The following RABGAP1L variants were observed in gnomAD, a reference collection of about 807,000 sequenced individuals.
RABGAP1L encodes RAB GTPase activating protein 1 like.
Under a neutral mutation model 137.7 loss-of-function variants are expected in RABGAP1L, and 63 were observed. The observed-to-expected ratio is 0.46, with a 90% CI of 0.37 to 0.56. The LOEUF is 0.56. Among genes scored for constraint, RABGAP1L ranks in the 20% least tolerant of loss-of-function variants. The pLI is 0.00. For missense variants in RABGAP1L, 1,095 were observed against 1,244.0 expected (o/e 0.88, Z 1.80); for synonymous variants, 431 against 433.7 (o/e 0.99, Z 0.08).
Position 174,994,888 on chromosome 1 carries a change from G to A in RABGAP1L, c.*4887G>A, listed in dbSNP as rs185406110. 1 of 152,190 alleles carries A rather than the reference G, an allele frequency of 6.6e-6. No individual in the cohort carries two copies. The highest frequency in any genetic ancestry group is 6.5e-5 in the Admixed American group (1 of 15,280). 9.4% of individuals were successfully genotyped at this position (152,190 alleles called of 1,614,324 possible). A position where few individuals can be genotyped will look rare whatever the true frequency, so the allele number is the denominator to read the frequency against. On this transcript the variant is annotated 3_prime_UTR_variant, in exon 26 of 26. Transcript: ENST00000681986. Reference sequence around the variant, plus strand: ...CTATTTTTATGAATTCCATTATTTTGTCCATGGCATCTCTAATGAAAACAG... The same window carrying A: ...CTATTTTTATGAATTCCATTATTTTATCCATGGCATCTCTAATGAAAACAG...
At chr1:174,614,803 C>T (rs539212541) in intron 13 of RABGAP1L, among the ~76,000 whole-genome samples, 83 of 152,238 alleles carry the variant, frequency 5.5e-4, no homozygotes, top group African/African-American at 2.0e-3. Flanking sequence ...CTCTAAACTT[C>T]CCTTCTTGCT....
At chr1:174,447,107 T>A (rs1461136326) in intron 13 of RABGAP1L, among the ~76,000 whole-genome samples, 1 of 152,196 alleles carries the variant, frequency 6.6e-6, no homozygotes, top group Admixed American at 6.5e-5. Flanking sequence ...AAGTTATAGA[T>A]GCCAAATTAA....
intron 18 of RABGAP1L, among the ~76,000 whole-genome samples, chr1:174,768,580 A>G (rs978422991): frequency 6.6e-6 from 1 of 152,234 alleles, no homozygotes; most frequent in African/African-American, 2.4e-5. Context: ...CAGGGCTAGC[A>G]GGCCACTGTG....
At chr1:174,811,713 GAACT>G in intron 18 of RABGAP1L, 115 bp from the exon 19 acceptor site, 1 of 1,003,144 alleles carries the variant, frequency 1.0e-6, no homozygotes, top group Non-Finnish European at 1.3e-6. Context: ...AAAATGTTTG[GAACT>G]AACTTAGATC....
At chr1:174,459,676 C>G (rs1462007599) in intron 13 of RABGAP1L, among the ~76,000 whole-genome samples, 1 of 152,060 alleles carries the variant, frequency 6.6e-6, no homozygotes, top group South Asian at 2.1e-4. Flanking sequence ...AACACAGATG[C>G]GACCATCCAT....
chr1:174,357,404 C>A (rs1683728999), intron 11 of RABGAP1L, among the ~76,000 whole-genome samples: 1 of 152,064 alleles, frequency 6.6e-6, no homozygotes. Context: ...AAAAATAAAG[C>A]ACTAATAAAA....
intron 11 of RABGAP1L, among the ~76,000 whole-genome samples, chr1:174,341,994 G>C (rs1489228386): frequency 1.3e-5 from 2 of 152,242 alleles, no homozygotes; most frequent in East Asian, 3.9e-4. Context: ...GTTTTTCATA[G>C]AAATTTGACT....
At chr1:174,480,823 A>G (rs989381815) in intron 13 of RABGAP1L, among the ~76,000 whole-genome samples, 1 of 152,230 alleles carries the variant, frequency 6.6e-6, no homozygotes. Flanking sequence ...CACGGGTGAG[A>G]ATACTGGACC....
intron 13 of RABGAP1L, among the ~76,000 whole-genome samples, chr1:174,533,168 A>G (rs767048388): frequency 6.6e-5 from 10 of 152,228 alleles, no homozygotes; most frequent in Non-Finnish European, 1.3e-4. Flanking sequence ...CGGGAGGCAG[A>G]GGTTGCAGTG....
chr1:174,756,061 T>C (rs1310095841), intron 18 of RABGAP1L, among the ~76,000 whole-genome samples: 1 of 152,184 alleles, frequency 6.6e-6, no homozygotes, highest in Non-Finnish European at 1.5e-5. Flanking sequence ...TAATATATGA[T>C]TGATGCCTAG....
At chr1:174,781,912 T>A (rs1687043682) in intron 18 of RABGAP1L, among the ~76,000 whole-genome samples, 1 of 152,214 alleles carries the variant, frequency 6.6e-6, no homozygotes, top group Non-Finnish European at 1.5e-5. Context: ...TCTGTTCTGT[T>A]CCATTGGTCT....
At chr1:174,791,222 C>T (rs1687837810) in intron 18 of RABGAP1L, among the ~76,000 whole-genome samples, 1 of 151,916 alleles carries the variant, frequency 6.6e-6, no homozygotes. Flanking sequence ...AATGAATGTC[C>T]CTATCTTGAC....
chr1:174,365,192 A>T (rs1357715571), intron 11 of RABGAP1L: 2 of 152,358 alleles, frequency 1.3e-5, no homozygotes, highest in South Asian at 4.1e-4. Context: ...CAGGATCCCA[A>T]AGTGCTCATT....
chr1:174,626,087 C>T (rs905299086), intron 13 of RABGAP1L, among the ~76,000 whole-genome samples: 1 of 152,174 alleles, frequency 6.6e-6, no homozygotes, highest in African/African-American at 2.4e-5. Flanking sequence ...TCATTATTGC[C>T]TGTTGATATT....
At position 174,990,015 on chromosome 1, in the gene RABGAP1L, C is replaced by G. The variant is rs943629341; in HGVS notation, c.*14C>G. On this transcript the variant is annotated 3_prime_UTR_variant, in exon 26 of 26. Transcript: ENST00000681986. The stretch of plus-strand genomic sequence containing the variant: ...GAGAGCACATAGTTCCAGCCTTACC[C>G]AAGCACAAGAGCACAATGTTCAAAC... The G allele has an allele frequency of 2.6e-6, 4 of 1,522,670 alleles. No homozygotes were observed. The allele number at this position is 1,522,670 out of a possible 1,614,324, so 94.3% of individuals were successfully genotyped here. A position where few individuals can be genotyped will look rare whatever the true frequency, so the allele number is the denominator to read the frequency against.
At position 174,204,839 on chromosome 1, in the gene RABGAP1L, T is replaced by G. The variant is rs1054101941; in HGVS notation, c.-33-14286T>G. Among the ~76,000 whole-genome samples, 3 of 152,224 alleles carry G rather than the reference T, an allele frequency of 2.0e-5. No individual in the cohort carries two copies. In the East Asian group the frequency reaches 5.8e-4, roughly 29 times the overall value. On this transcript the variant is annotated intron_variant, in intron 1 of 25. Coordinates refer to ENST00000681986, the MANE Select transcript of RABGAP1L (RefSeq NM_001366446.1). ...AGTACTTCCCCCTTCACTCTCTCTC[T>G]CTTTCCTGCTCCTCCATGGTAAGAT... is the stretch of plus-strand genomic sequence containing the variant.
chr1:174,412,158 G>T (rs929575820), intron 13 of RABGAP1L, among the ~76,000 whole-genome samples: 1 of 152,016 alleles, frequency 6.6e-6, no homozygotes. Flanking sequence ...AAACTTGGGC[G>T]TGTATATATT....
intron 7 of RABGAP1L, among the ~76,000 whole-genome samples, chr1:174,266,943 G>A (rs1055557433): frequency 2.0e-5 from 3 of 152,120 alleles, no homozygotes; most frequent in African/African-American, 7.2e-5. Flanking sequence ...ACCTAGGCCT[G>A]TATAAAGTTG....
At chr1:174,960,046 T>C (rs1210668363) in intron 20 of RABGAP1L, among the ~76,000 whole-genome samples, 1 of 152,160 alleles carries the variant, frequency 6.6e-6, no homozygotes, top group Non-Finnish European at 1.5e-5. Flanking sequence ...CTTGGGAAGA[T>C]CTTTGAGGGC....
Sources: allele counts gnomAD v4.1 joint callset (sites outside exome capture counted in the v4.1 genomes callset), GRCh38; gene constraint gnomAD v4.1.1; transcripts MANE v1.5; gene names NCBI Gene and HGNC (gene_info 2026-07-23, HGNC 2026-07-21).